POLD3: variants seen among roughly 807,000 people sequenced by gnomAD.
POLD3 encodes the protein DNA polymerase delta subunit 3.
Under a neutral mutation model 58.2 loss-of-function variants are expected in POLD3, and 19 were observed. The ratio of observed to expected loss-of-function variants is 0.33; its 90% CI spans 0.23 to 0.48. The LOEUF (loss-of-function observed/expected upper bound fraction) is 0.48. POLD3 is among the 20% of genes least tolerant of loss of function. The pLI is 0.99. For synonymous variants in POLD3, 172 were observed against 193.5 expected (o/e 0.89, Z 0.92); for missense variants, 504 against 545.5 (o/e 0.92, Z 0.76).
chr11:74,640,961 G>A lies in POLD3; in HGVS notation c.*195G>A. The A allele has an allele frequency of 7.9e-7, 1 of 1,266,852 alleles. No homozygotes were observed. Among genetic ancestry groups the A allele is most frequent in the Non-Finnish European group, 9.9e-7 (1 of 1,008,114 alleles). The allele number at this position is 1,266,852 out of a possible 1,614,324, so 78.5% of individuals were successfully genotyped here. A position where few individuals can be genotyped will look rare whatever the true frequency, so the allele number is the denominator to read the frequency against. On this transcript the variant is annotated 3_prime_UTR_variant, in exon 12 of 12. Transcript: ENST00000263681. ...ATCATCTGGAAGCAGGAGGCAAAAAGCTGTTACCTTCTAATGACATTTAAA... is the reference window on the plus strand; with the variant it reads ...ATCATCTGGAAGCAGGAGGCAAAAAACTGTTACCTTCTAATGACATTTAAA...
chr11:74,664,263 A>C (rs2033239729), intron 4 of POLD3, among the ~76,000 whole-genome samples: 1 of 152,188 alleles, frequency 6.6e-6, no homozygotes, highest in Admixed American at 6.5e-5. Context: ...ATGACCCAGC[A>C]ATTATACTGT....
At position 74,626,200 on chromosome 11, in the gene POLD3, A is replaced by G. The variant is rs114578010; in HGVS notation, c.899+627A>G. Reference sequence around the variant, plus strand: ...GGGACTACTCTCGTTGAAAACATCAACAAAATGGTGAAATTTTAGAGGGTT... The same window carrying G: ...GGGACTACTCTCGTTGAAAACATCAGCAAAATGGTGAAATTTTAGAGGGTT... On this transcript the variant is annotated intron_variant, in intron 8 of 11. Transcript: ENST00000263681. Among the ~76,000 whole-genome samples the G allele has an allele frequency of 6.4e-3, 971 of 152,274 alleles. 11 individuals are homozygous for G. Among genetic ancestry groups the G allele is most frequent in the African/African-American group, 0.022 (915 of 41,566 alleles).
At position 74,613,107 on chromosome 11, in the gene POLD3, T is replaced by G. The variant is rs531698429; in HGVS notation, c.392+97T>G. 2.2e-5 allele frequency: 23 copies of G among 1,046,438 alleles called. No homozygotes were observed. In the Middle Eastern group the frequency reaches 1.3e-3, roughly 60 times the overall value. 64.8% of individuals were successfully genotyped at this position (1,046,438 alleles called of 1,614,324 possible). ...TCTTAAGAGTGAATGCCAAGTCTAG[T>G]AAAACCCCATTTATCTTGCAGTAAG... On this transcript the variant is annotated intron_variant, in intron 5 of 11. Coordinates refer to ENST00000263681, the MANE Select transcript of POLD3 (RefSeq NM_006591.3).
At chr11:74,616,723 T>C (rs1440164623) in intron 5 of POLD3, among the ~76,000 whole-genome samples, 3 of 152,198 alleles carry the variant, frequency 2.0e-5, no homozygotes, top group Non-Finnish European at 4.4e-5. Flanking sequence ...AGCTTTTGAC[T>C]CTAGCTTTGG....
At chr11:74,651,468 T>A (rs1196838130) in intron 4 of POLD3, among the ~76,000 whole-genome samples, 10 of 152,230 alleles carry the variant, frequency 6.6e-5, no homozygotes, top group Admixed American at 2.0e-4. Context: ...CAGAACGTGC[T>A]CTCAAGGAGT....
At chr11:74,626,753 G>C (rs905749745) in intron 8 of POLD3, among the ~76,000 whole-genome samples, 1 of 152,016 alleles carries the variant, frequency 6.6e-6, no homozygotes, top group African/African-American at 2.4e-5. Flanking sequence ...TTACTCATGC[G>C]CTGCATAACG....
At chr11:74,613,127 A>G (rs1477364443) in intron 5 of POLD3, 117 bp downstream of exon 5, 1 of 878,022 alleles carries the variant, frequency 1.1e-6, no homozygotes, top group Non-Finnish European at 1.8e-6. Context: ...TTTATCTTGC[A>G]GTAAGAAACA....
chr11:74,622,375 GGAAA>G (rs1449369648), intron 7 of POLD3, among the ~76,000 whole-genome samples: 1 of 152,106 alleles, frequency 6.6e-6, no homozygotes, highest in African/African-American at 2.4e-5. Context: ...TAAAGGGAAA[GGAAA>G]GAAAGAAAAC....
At position 74,612,955 on chromosome 11, in the gene POLD3, C is replaced by A; in HGVS notation, c.337C>A (p.Pro113Thr). 6.2e-7 allele frequency: 1 copy of A among 1,613,636 alleles called. No individual in the cohort carries two copies. Among genetic ancestry groups the A allele is most frequent in the African/African-American group, 1.3e-5 (1 of 75,044 alleles). Residue 113 changes from proline (P) to threonine (T), a missense_variant, in exon 5 of 12, where the codon CCT (proline) becomes ACT (threonine). Transcript: ENST00000263681. Reference protein sequence around the residue: ...IQKAMLKDSGPLFNTDYDILK... With the variant: ...IQKAMLKDSGTLFNTDYDILK... ...GAAAGCCATGCTAAAGGACAGTGGG[C>A]CTCTGTTCAATACTGACTATGACAT...
At chr11:74,667,315 C>T (rs1192677103) in intron 4 of POLD3, among the ~76,000 whole-genome samples, 2 of 152,168 alleles carry the variant, frequency 1.3e-5, no homozygotes, top group Non-Finnish European at 2.9e-5. Flanking sequence ...GCGGGCAGAT[C>T]ACAAGGTCAG....
intron 7 of POLD3, 99 bp downstream of exon 7, chr11:74,620,188 C>A: frequency 1.2e-6 from 1 of 853,888 alleles, no homozygotes; most frequent in Non-Finnish European, 2.0e-6. Context: ...TTTTGCCAAT[C>A]CAAGAGACTA....
At chr11:74,629,479 C>G (rs2032527603) in intron 9 of POLD3, among the ~76,000 whole-genome samples, 156 bp downstream of exon 9, 1 of 152,086 alleles carries the variant, frequency 6.6e-6, no homozygotes, top group Non-Finnish European at 1.5e-5. Context: ...CTGCATTAGC[C>G]TTTTGACTAG....
chr11:74,619,005 C>A (rs924463902), intron 6 of POLD3, among the ~76,000 whole-genome samples: 2 of 152,182 alleles, frequency 1.3e-5, no homozygotes, highest in African/African-American at 2.4e-5. Context: ...TCTCACCAAA[C>A]CTTGGATTTC....
intron 4 of POLD3, among the ~76,000 whole-genome samples, chr11:74,655,083 A>C (rs867084267): frequency 6.6e-6 from 1 of 152,282 alleles, no homozygotes; most frequent in Non-Finnish European, 1.5e-5. Context: ...GGAAATGCCG[A>C]GGCAGACTTG....
chr11:74,611,548 T>G lies in POLD3; in HGVS notation c.259+10T>G. On this transcript the variant is annotated intron_variant, in intron 4 of 11. Transcript: ENST00000263681. ...GAAGATAAATTGGAAGGTAAGTGTT[T>G]TAGTGACTTAGCAAGTTTTTCCTCT... 6.5e-7 allele frequency: 1 copy of G among 1,531,584 alleles called. No individual in the cohort carries two copies. 94.9% of individuals were successfully genotyped at this position (1,531,584 alleles called of 1,614,324 possible).
Position 74,629,373 on chromosome 11 carries a change from T to C in POLD3, c.1006+50T>C, listed in dbSNP as rs372543185. On this transcript the variant is annotated intron_variant, in intron 9 of 11. Coordinates refer to ENST00000263681, the MANE Select transcript of POLD3 (RefSeq NM_006591.3). Reference sequence around the variant, plus strand: ...TTAGGGGGATCAATTTTACTTTCAATGTTCAAGGAGCTAAAAAAGTAATGG... The same window carrying C: ...TTAGGGGGATCAATTTTACTTTCAACGTTCAAGGAGCTAAAAAAGTAATGG... The C allele has an allele frequency of 4.9e-6, 5 of 1,019,114 alleles. No homozygotes were observed. In the African/African-American group the frequency reaches 8.2e-5, roughly 17 times the overall value. 63.1% of individuals were successfully genotyped at this position (1,019,114 alleles called of 1,614,324 possible). A position where few individuals can be genotyped will look rare whatever the true frequency, so the allele number is the denominator to read the frequency against.
chr11:74,605,402 T>G (rs1440645297), intron 3 of POLD3, among the ~76,000 whole-genome samples: 1 of 152,158 alleles, frequency 6.6e-6, no homozygotes, highest in Non-Finnish European at 1.5e-5. Flanking sequence ...TCTTAACTAT[T>G]TTCATGTCCC....
intron 4 of POLD3, among the ~76,000 whole-genome samples, chr11:74,658,259 T>TCAC (rs1565135223): frequency 2.0e-5 from 3 of 152,240 alleles, no homozygotes; most frequent in African/African-American, 7.2e-5. Flanking sequence ...GTGAGACTTA[T>TCAC]TATCACAAAA....
intron 7 of POLD3, among the ~76,000 whole-genome samples, chr11:74,624,886 A>G (rs1591309067): frequency 6.6e-6 from 1 of 152,232 alleles, no homozygotes; most frequent in Admixed American, 6.5e-5. Context: ...AGACTGACTT[A>G]GATAAAATAA....
Sources: gnomAD v4.1 joint callset for allele counts (sites outside exome capture counted in the v4.1 genomes callset) on GRCh38, gnomAD v4.1.1 for gene constraint, MANE v1.5 for transcripts, NCBI Gene and HGNC (gene_info 2026-07-23, HGNC 2026-07-21) for gene names.